ODF2L: variants seen among roughly 807,000 people sequenced by gnomAD.
ODF2L encodes the protein outer dense fiber of sperm tails 2 like.
In ODF2L, 76 loss-of-function variants were observed where a neutral mutation model predicts 86.3. The observed-to-expected ratio is 0.88, with a 90% confidence interval of 0.73 to 1.07. The LOEUF (loss-of-function observed/expected upper bound fraction) is 1.07, where lower values mean the gene tolerates loss of function less well. Among genes scored for constraint, ODF2L ranks in the 50% least tolerant of loss-of-function variants. The pLI, the probability that ODF2L is intolerant of heterozygous loss-of-function variation, is 0.00. For synonymous variants in ODF2L, 241 were observed against 231.3 expected (o/e 1.04, Z -0.38); for missense variants, 748 against 717.4 (o/e 1.04, Z -0.49).
downstream of ODF2L, chr1:86,349,001 TACTC>T (rs1473990833): frequency 1.9e-6 from 2 of 1,044,504 alleles, no homozygotes; most frequent in African/African-American, 1.7e-5. Flanking sequence ...TTTAAAATAA[TACTC>T]ACATCTGATG....
chr1:86,388,616 A>T (rs912634416), intron 1 of ODF2L, among the ~76,000 whole-genome samples: 1 of 152,080 alleles, frequency 6.6e-6, no homozygotes, highest in Non-Finnish European at 1.5e-5. Context: ...TTCAGGGATC[A>T]TTAAAAGACA....
chr1:86,381,165 T>G (rs1005155975), intron 7 of ODF2L, among the ~76,000 whole-genome samples: 13 of 152,134 alleles, frequency 8.5e-5, no homozygotes, highest in African/African-American at 3.1e-4. Flanking sequence ...CAAATTATAG[T>G]TGAATTTCAT....
Position 86,389,004 on chromosome 1 carries a change from G to A in ODF2L, c.-59-1918C>T, listed in dbSNP as rs12047305. 0.011 allele frequency among the ~76,000 whole-genome samples: 1,693 copies of A among 152,192 alleles called. 67 individuals carry two copies. In the East Asian group the frequency reaches 0.12, roughly 10 times the overall value. On this transcript the variant is annotated intron_variant, in intron 1 of 17. Coordinates refer to ENST00000317336, the Ensembl canonical transcript of ODF2L. ...AATTATCAACAGTCATCTTCTCCAG[G>A]ACAAATATTGTTCAGAGATTCCAAG...
intron 13 of ODF2L, chr1:86,357,603 GAA>G (rs72508994): frequency 9.4e-4 from 158 of 168,354 alleles, no homozygotes; most frequent in South Asian, 1.6e-3. Flanking sequence ...AGTAAAACAG[GAA>G]AAAAAAAAAA....
At chr1:86,350,863 T>C (rs1019733313) in exon 18 of ODF2L, 1 of 152,214 alleles carries the variant, frequency 6.6e-6, no homozygotes, top group Non-Finnish European at 1.5e-5. Flanking sequence ...TGATGAGCTT[T>C]TTTTCATATG....
At chr1:86,366,195 C>T (rs1659401279) in intron 11 of ODF2L, among the ~76,000 whole-genome samples, 2 of 151,876 alleles carry the variant, frequency 1.3e-5, no homozygotes, top group South Asian at 4.1e-4. Context: ...TTTTAAATGT[C>T]ACCAGACTTT....
exon 6 of ODF2L, chr1:86,382,939 T>A (rs761700227): frequency 1.3e-6 from 2 of 1,545,140 alleles, no homozygotes; most frequent in South Asian, 1.1e-5. Flanking sequence ...ACCTTTTCAC[T>A]CTGAAACAAA....
chr1:86,382,436 C>G, intron 6 of ODF2L, 78 bp from the exon 7 acceptor site: 1 of 1,572,368 alleles, frequency 6.4e-7, no homozygotes, highest in Non-Finnish European at 8.6e-7. Flanking sequence ...TTAATTTTAC[C>G]CTGATTTAGG....
intron 2 of ODF2L, 72 bp from the exon 3 acceptor site, chr1:86,385,662 A>G: frequency 8.3e-7 from 1 of 1,206,872 alleles, no homozygotes; most frequent in Non-Finnish European, 1.2e-6. Flanking sequence ...GAAATGCCAT[A>G]TCACCTATAC....
chr1:86,364,459 G>A (rs1295506845), intron 11 of ODF2L, among the ~76,000 whole-genome samples: 2 of 152,162 alleles, frequency 1.3e-5, no homozygotes, highest in Non-Finnish European at 2.9e-5. Flanking sequence ...GTAAGAACAG[G>A]AGAACTATAG....
In ODF2L at chr1:86,384,694, T is replaced by C. The variant is rs762473924; in HGVS notation, c.354A>G (p.Arg118=). 1.1e-5 allele frequency: 17 copies of C among 1,500,142 alleles called. No individual in the cohort carries two copies. The East Asian group carries it at 4.3e-4, about 38-fold the overall frequency. 92.9% of individuals were successfully genotyped at this position (1,500,142 alleles called of 1,614,324 possible). The change falls in exon 4 of 18, where the codon AGA becomes AGG. Residue 118 remains arginine (R), a synonymous_variant. Coordinates refer to ENST00000317336, the Ensembl canonical transcript of ODF2L. ...GCCTTACTTGTTTGTAGTCTCTCTTTCTAAGAAGATGTTCTAAAGCTAGTT... is the reference window on the plus strand; with the variant it reads ...GCCTTACTTGTTTGTAGTCTCTCTTCCTAAGAAGATGTTCTAAAGCTAGTT...
chr1:86,354,408 A>G, intron 16 of ODF2L, 122 bp downstream of exon 15: 1 of 621,252 alleles, frequency 1.6e-6, no homozygotes, highest in Non-Finnish European at 2.8e-6. Flanking sequence ...AAGAAGAAAA[A>G]TGTAATTGCT....
intron 1 of ODF2L, among the ~76,000 whole-genome samples, chr1:86,393,926 T>A (rs747998182): frequency 1.3e-5 from 2 of 152,200 alleles, no homozygotes; most frequent in Non-Finnish European, 2.9e-5. Flanking sequence ...TGAGTGTCCA[T>A]ATAGAGCCCA....
Position 86,356,568 on chromosome 1 carries a change from A to T in ODF2L, c.1394T>A (p.Leu465Ter). 7 of 1,614,020 alleles carry T rather than the reference A, an allele frequency of 4.3e-6. No homozygotes were observed. The highest frequency in any genetic ancestry group is 5.9e-6 in the Non-Finnish European group (7 of 1,179,944). ...CGTCAAGGAATCGCAGACACGCTCT[A>T]ACTCCTTCAGATGAGACTCCATCTG... Residue 465 changes from leucine (L) to a stop codon, truncating the protein, a stop_gained, in exon 14 of 18, where the codon TTA (leucine) becomes TAA (stop). Transcript: ENST00000317336. LOFTEE classifies it high-confidence loss of function.
intron 2 of ODF2L, chr1:86,386,535 G>C (rs150080256): frequency 6.1e-6 from 1 of 162,988 alleles, no homozygotes; most frequent in Non-Finnish European, 1.3e-5. Context: ...ACAGGCACAC[G>C]CTACCACATC....
exon 9 of ODF2L, chr1:86,372,444 C>T (rs2101045181): frequency 7.1e-7 from 1 of 1,405,692 alleles, no homozygotes; most frequent in East Asian, 2.6e-5. Flanking sequence ...TTCATTGTTT[C>T]AATCTGTACT....
chr1:86,358,639 T>C, intron 13 of ODF2L, 148 bp downstream of exon 12: 1 of 350,790 alleles, frequency 2.9e-6, no homozygotes, highest in Non-Finnish European at 5.2e-6. Flanking sequence ...AGAAACATTA[T>C]TTCCTTGGAA....
chr1:86,376,278 A>G (rs1293544714), exon 8 of ODF2L: 1 of 1,612,730 alleles, frequency 6.2e-7, no homozygotes, highest in Non-Finnish European at 8.5e-7. Flanking sequence ...CTCCTGTAAA[A>G]TGGTCAAGCC....
chr1:86,389,346 A>G (rs937908432), intron 1 of ODF2L, among the ~76,000 whole-genome samples: 3 of 152,288 alleles, frequency 2.0e-5, no homozygotes, highest in Non-Finnish European at 4.4e-5. Flanking sequence ...AAACTGAATG[A>G]TAAGAGTGAC....
Sources: allele counts gnomAD v4.1 joint callset (sites outside exome capture counted in the v4.1 genomes callset), GRCh38; gene constraint gnomAD v4.1.1; transcripts MANE v1.5; gene names NCBI Gene and HGNC (gene_info 2026-07-23, HGNC 2026-07-21).